RSPH3: variants seen among roughly 807,000 people sequenced by gnomAD.
The protein encoded by RSPH3 is radial spoke head 3, also known as radial spoke head protein 3 homolog.
In RSPH3, 21 loss-of-function variants were observed where a neutral mutation model predicts 43.8. That is an observed-to-expected ratio of 0.48 (90% CI 0.34 to 0.69). RSPH3 has a LOEUF of 0.69. Ranked by LOEUF, RSPH3 falls within the 30% of genes least tolerant of loss-of-function variation. The probability of loss-of-function intolerance (pLI) is 0.01; values close to 1 mark genes in which losing one functional copy is unlikely to be tolerated. For missense variants in RSPH3, 487 were observed against 516.0 expected, an observed-to-expected ratio of 0.94 and a Z score of 0.54; for synonymous variants, 173 against 179.8, an observed-to-expected ratio of 0.96 and a Z score of 0.30.
intron 6 of RSPH3, 122 bp from the exon 7 acceptor site, chr6:158,978,468 C>A: frequency 1.7e-6 from 1 of 593,170 alleles, no homozygotes. Context: ...ACTCATACAG[C>A]ATAACTTTTG....
intron 2 of RSPH3, 65 bp from the exon 3 acceptor site, chr6:158,986,486 A>T (rs1336284325): frequency 1.5e-6 from 2 of 1,362,462 alleles, no homozygotes; most frequent in Non-Finnish European, 2.0e-6. Context: ...AGGAACTGCC[A>T]TTCCAAAAGC....
downstream of RSPH3, among the ~76,000 whole-genome samples, chr6:158,970,462 A>G (rs1777683023): frequency 6.6e-6 from 1 of 152,112 alleles, no homozygotes; most frequent in African/African-American, 2.4e-5. Flanking sequence ...TGAGTGATTC[A>G]GGCCTTCTTA....
chr6:158,999,975 ATCCTTGAG>A lies in RSPH3; in HGVS notation c.-433_-426del, dbSNP rs756900997. 4.4e-6 allele frequency: 7 copies of A among 1,584,188 alleles called. No individual in the cohort carries two copies. Among genetic ancestry groups the A allele is most frequent in the Middle Eastern group, 1.7e-4 (1 of 5,904 alleles). ...GGCGGCCTTGGCTGGCTTGACCGTC[ATCCTTGAG>A]GCCTGCGGGGCAACGGTGGCTGTCC... On this transcript the variant is annotated 5_prime_UTR_variant, in exon 1 of 8. It removes an upstream start codon present in the reference 5' UTR. Transcript: ENST00000367069.
chr6:158,977,772 G>A lies in RSPH3; in HGVS notation c.1023C>T (p.Pro341=). 4 of 1,614,088 alleles carry A rather than the reference G, an allele frequency of 2.5e-6. No individual in the cohort carries two copies. The highest frequency in any genetic ancestry group is 1.6e-4 in the Middle Eastern group (1 of 6,062). ...CTCCAGGACCACCAGGCTCATCCTCGGGTTCTGGAGACTGATGTGTGTCTT... is the reference window on the plus strand; with the variant it reads ...CTCCAGGACCACCAGGCTCATCCTCAGGTTCTGGAGACTGATGTGTGTCTT... ...HGEDTHQSPE[P]EDEPGGPGAM... The change falls in exon 8 of 8, where the codon CCC becomes CCT. Residue 341 remains proline (P), a synonymous_variant. Coordinates refer to ENST00000367069, the MANE Select transcript of RSPH3 (RefSeq NM_031924.8).
downstream of RSPH3, among the ~76,000 whole-genome samples, chr6:158,971,642 G>C (rs1365786855): frequency 1.3e-5 from 2 of 152,078 alleles, no homozygotes; most frequent in East Asian, 3.8e-4. Context: ...CATATTGTAG[G>C]GTCAATAATG....
At chr6:158,993,952 C>G (rs982279152) in intron 1 of RSPH3, 26 bp from the exon 2 acceptor site, 1 of 1,272,650 alleles carries the variant, frequency 7.9e-7, no homozygotes, top group South Asian at 1.2e-5. Context: ...TTCTGTATAA[C>G]CACTTTAATA....
chr6:158,986,828 C>A (rs1778250382), intron 2 of RSPH3, among the ~76,000 whole-genome samples: 1 of 152,036 alleles, frequency 6.6e-6, no homozygotes, highest in African/African-American at 2.4e-5. Flanking sequence ...CAAAGATATT[C>A]GATATGATTT....
Position 158,977,645 on chromosome 6 carries a change from C to T in RSPH3, c.1150G>A (p.Asp384Asn), listed in dbSNP as rs1416391479. ...DGGYLQRTTY[D>N]RRSSQERKFM... The stretch of plus-strand genomic sequence containing the variant: ...TTCCTTTCCTGGGATGACCTTCTGT[C>T]ATATGTTGTTCTTTGTAGGTAGCCT... Residue 384 changes from aspartate (D) to asparagine (N), a missense_variant, in exon 8 of 8, where the codon GAC becomes AAC. Coordinates refer to ENST00000367069, the MANE Select transcript of RSPH3 (RefSeq NM_031924.8). 1 of 1,614,120 alleles carries T rather than the reference C, an allele frequency of 6.2e-7. No individual in the cohort carries two copies.
intron 1 of RSPH3, 140 bp downstream of exon 1, chr6:158,999,295 A>AT (rs1296890725): frequency 0.011 from 8,292 of 725,470 alleles, 99 homozygotes; most frequent in Admixed American, 0.019. Flanking sequence ...GAGATTCCTT[A>AT]GGGCAGAACT....
chr6:158,993,428 C>CTTT (rs369613942), intron 2 of RSPH3, among the ~76,000 whole-genome samples: 1 of 117,958 alleles, frequency 8.5e-6, no homozygotes, highest in African/African-American at 3.1e-5. Flanking sequence ...CTGGGGCTTG[C>CTTT]TTTTTTTTTT....
chr6:158,994,020 T>C (rs907509245), intron 1 of RSPH3, 94 bp from the exon 2 acceptor site: 7 of 641,310 alleles, frequency 1.1e-5, no homozygotes, highest in South Asian at 6.8e-5. Flanking sequence ...AAAATCAATA[T>C]ATTTTAAGAA....
rs1403549329 is a variant in RSPH3 at position 158,973,240 on chromosome 6, CAA to C, written c.*4296_*4297del. ...ATACATTCTGTGATTCACCTATAAA[CAA>C]AAGAGTAAAGCAGAATGTGTCAAAT... is the stretch of plus-strand genomic sequence containing the variant. On this transcript the variant is annotated 3_prime_UTR_variant, in exon 8 of 8. Coordinates refer to ENST00000367069, the MANE Select transcript of RSPH3 (RefSeq NM_031924.8). 10 of 152,072 alleles carry C rather than the reference CAA, an allele frequency of 6.6e-5. No individual in the cohort carries two copies. The highest frequency in any genetic ancestry group is 2.0e-4 in the Admixed American group (3 of 15,272). The allele number at this position is 152,072 out of a possible 1,614,324, so 9.4% of individuals were successfully genotyped here.
At position 159,000,051 on chromosome 6, in the gene RSPH3, C is replaced by T. The variant is rs769171820; in HGVS notation, c.-501G>A. The T allele has an allele frequency of 2.5e-5, 36 of 1,420,972 alleles. No individual in the cohort carries two copies. Among genetic ancestry groups the T allele is most frequent in the Non-Finnish European group, 3.1e-5 (33 of 1,061,718 alleles). The allele number at this position is 1,420,972 out of a possible 1,614,324, so 88.0% of individuals were successfully genotyped here. A position where few individuals can be genotyped will look rare whatever the true frequency, so the allele number is the denominator to read the frequency against. On this transcript the variant is annotated 5_prime_UTR_variant, in exon 1 of 8. Coordinates refer to ENST00000367069, the MANE Select transcript of RSPH3 (RefSeq NM_031924.8). ...TGTGGCTTTGCAGGGCTGGTGTTGG[C>T]GCCATTCTCGCAGGCCCACGTGCTC...
At position 158,989,386 on chromosome 6, in the gene RSPH3, T is replaced by C. The variant is rs1408259047; in HGVS notation, c.205-2965A>G. Among the ~76,000 whole-genome samples the C allele has an allele frequency of 6.6e-6, 1 of 152,096 alleles. No individual in the cohort carries two copies. The highest frequency in any genetic ancestry group is 2.4e-5 in the African/African-American group (1 of 41,412). On this transcript the variant is annotated intron_variant, in intron 2 of 7. Transcript: ENST00000367069. The surrounding 1 kb of genome is among the most constrained non-coding windows in gnomAD (Gnocchi z 4.3). ...ACTAGATTGCTGCCTCCTTTTTGGC[T>C]CTAGGTGGTGCCTTAAGGCCAGGTT...
intron 3 of RSPH3, among the ~76,000 whole-genome samples, chr6:158,985,576 G>A (rs960132048): frequency 2.0e-5 from 3 of 152,116 alleles, no homozygotes; most frequent in East Asian, 3.9e-4. Flanking sequence ...AATTACAGGC[G>A]TGCACCACTA....
At chr6:158,991,542 G>A (rs1324792048) in intron 2 of RSPH3, among the ~76,000 whole-genome samples, 3 of 152,178 alleles carry the variant, frequency 2.0e-5, no homozygotes, top group Non-Finnish European at 4.4e-5. Context: ...GTGCAGCATT[G>A]ACTAGCACTG....
At chr6:158,963,325 TTCCTTCCTTCCTTC>T in the RSPH3 span, among the ~76,000 whole-genome samples, 3 of 142,488 alleles carry the variant, frequency 2.1e-5, no homozygotes, top group African/African-American at 5.1e-5. Context: ...TCCTCTCTCT[TTCCTTCCTTCCTTC>T]TCCTTCCTTC....
rs1399871610 is a variant in RSPH3, at chr6:158,975,519, T to C, written c.*2019A>G. ...TTAAATTCCTGAGCTTTGGTTTCTTTATTTACATCATTTACTTCATTTAGC... is the reference window on the plus strand; with the variant it reads ...TTAAATTCCTGAGCTTTGGTTTCTTCATTTACATCATTTACTTCATTTAGC... On this transcript the variant is annotated 3_prime_UTR_variant, in exon 8 of 8. Transcript: ENST00000367069. 6.6e-6 allele frequency: 1 copy of C among 152,202 alleles called. No individual in the cohort carries two copies. Among genetic ancestry groups the C allele is most frequent in the African/African-American group, 2.4e-5 (1 of 41,444 alleles). 9.4% of individuals were successfully genotyped at this position (152,202 alleles called of 1,614,324 possible).
intron 2 of RSPH3, among the ~76,000 whole-genome samples, chr6:158,986,748 T>C (rs973918314): frequency 1.3e-5 from 2 of 152,234 alleles, no homozygotes; most frequent in African/African-American, 4.8e-5. Context: ...GCTGTTTAAT[T>C]TCTATGTATT....
Sources: gnomAD v4.1 joint callset for allele counts (sites outside exome capture counted in the v4.1 genomes callset) on GRCh38, gnomAD v4.1.1 for gene constraint, Gnocchi (gnomAD v3.1) non-coding constraint, MANE v1.5 for transcripts, NCBI Gene and HGNC (gene_info 2026-07-23, HGNC 2026-07-21) for gene names.